Variants in SLC22A15 observed in about 807,000 individuals in gnomAD.
SLC22A15 encodes the protein solute carrier family 22 member 15.
In SLC22A15, 45 loss-of-function variants were observed where a neutral mutation model predicts 62.7. The ratio of observed to expected loss-of-function variants is 0.72; its 90% confidence interval spans 0.56 to 0.92. The LOEUF (loss-of-function observed/expected upper bound fraction) is 0.92. Ranked by LOEUF, SLC22A15 falls within the 40% of genes least tolerant of loss-of-function variation. The probability of loss-of-function intolerance (pLI) is 0.00; values close to 1 mark genes in which losing one functional copy is unlikely to be tolerated. For missense variants in SLC22A15, 622 were observed against 665.6 expected (o/e 0.93, Z 0.72); for synonymous variants, 264 against 267.0 (o/e 0.99, Z 0.11).
At chr1:116,024,495 G>A (rs1193489349) in intron 4 of SLC22A15, among the ~76,000 whole-genome samples, 1 of 152,108 alleles carries the variant, frequency 6.6e-6, no homozygotes, top group Non-Finnish European at 1.5e-5. Flanking sequence ...TGGTTATAAA[G>A]CCACCTATGA....
At chr1:116,063,588 A>G (rs1658430514) in intron 9 of SLC22A15, among the ~76,000 whole-genome samples, 1 of 152,152 alleles carries the variant, frequency 6.6e-6, no homozygotes. Flanking sequence ...AAGAAGCTTC[A>G]TGGTTCTTTC....
chr1:116,006,802 T>C (rs1003897161), intron 2 of SLC22A15, among the ~76,000 whole-genome samples: 1 of 152,112 alleles, frequency 6.6e-6, no homozygotes, highest in Non-Finnish European at 1.5e-5. Context: ...TCTGTTTCTC[T>C]TTCTCTTTCT....
intron 1 of SLC22A15, among the ~76,000 whole-genome samples, chr1:115,985,893 C>G (rs1390963798): frequency 1.4e-5 from 2 of 141,222 alleles, no homozygotes; most frequent in African/African-American, 5.2e-5. Context: ...TTACAGTGAG[C>G]TGAGATCGCG....
At chr1:116,038,875 A>C (rs1657703201) in intron 8 of SLC22A15, among the ~76,000 whole-genome samples, 1 of 152,138 alleles carries the variant, frequency 6.6e-6, no homozygotes, top group Non-Finnish European at 1.5e-5. Context: ...CGTGTAACCT[A>C]TCACACCTTC....
At chr1:115,989,838 C>T (rs1008299680) in intron 1 of SLC22A15, among the ~76,000 whole-genome samples, 3 of 151,700 alleles carry the variant, frequency 2.0e-5, no homozygotes, top group East Asian at 1.9e-4. Context: ...AATAGTGCCT[C>T]GCACATAGTT....
chr1:116,025,115 CTG>C (rs2101371709), intron 4 of SLC22A15, among the ~76,000 whole-genome samples: 1 of 152,136 alleles, frequency 6.6e-6, no homozygotes, highest in East Asian at 1.9e-4. Flanking sequence ...AATAAGAAAA[CTG>C]AGGCTCGGGG....
intron 5 of SLC22A15, among the ~76,000 whole-genome samples, chr1:116,030,168 G>T (rs72996734): frequency 6.6e-6 from 1 of 152,124 alleles, no homozygotes; most frequent in Non-Finnish European, 1.5e-5. Flanking sequence ...AATATTGTGC[G>T]TGAATATTCC....
intron 10 of SLC22A15, 143 bp downstream of exon 10, chr1:116,064,651 C>A: frequency 1.5e-6 from 1 of 646,378 alleles, no homozygotes; most frequent in African/African-American, 1.8e-5. Flanking sequence ...AGATAGTATT[C>A]CGTCAGGGCA....
At chr1:116,062,907 C>G in intron 9 of SLC22A15, 25 bp downstream of exon 9, 1 of 1,611,370 alleles carries the variant, frequency 6.2e-7, no homozygotes, top group Non-Finnish European at 8.5e-7. Context: ...CAGCCTCATT[C>G]TTCACACATT....
intron 2 of SLC22A15, among the ~76,000 whole-genome samples, chr1:116,006,097 G>A (rs1476306286): frequency 1.3e-5 from 2 of 152,122 alleles, no homozygotes; most frequent in Admixed American, 6.5e-5. Context: ...CTTGACCTAA[G>A]CAACATTTAT....
intron 6 of SLC22A15, chr1:116,032,016 T>C (rs1380100653): frequency 1.9e-6 from 2 of 1,038,894 alleles, no homozygotes; most frequent in African/African-American, 1.7e-5. Flanking sequence ...CGGTGCTCCA[T>C]GCTGCATTTT....
At chr1:116,058,271 G>A (rs1472117929) in intron 8 of SLC22A15, among the ~76,000 whole-genome samples, 1 of 151,748 alleles carries the variant, frequency 6.6e-6, no homozygotes, top group Non-Finnish European at 1.5e-5. Flanking sequence ...AAATCAGTAA[G>A]GAAAAACAAA....
intron 8 of SLC22A15, among the ~76,000 whole-genome samples, chr1:116,039,239 T>G (rs1657717685): frequency 6.6e-6 from 1 of 152,184 alleles, no homozygotes; most frequent in Admixed American, 6.5e-5. Flanking sequence ...TTGTCTATTT[T>G]TAACGATTTC....
chr1:116,064,928 G>A (rs1658461545), intron 10 of SLC22A15, among the ~76,000 whole-genome samples: 1 of 152,118 alleles, frequency 6.6e-6, no homozygotes, highest in Non-Finnish European at 1.5e-5. Flanking sequence ...ATGCTACAGA[G>A]AGGTTAAATA....
chr1:115,996,558 A>G (rs985273636), intron 2 of SLC22A15, among the ~76,000 whole-genome samples: 2 of 151,492 alleles, frequency 1.3e-5, no homozygotes, highest in East Asian at 3.9e-4. Context: ...TTCATTCATT[A>G]GATTCACATC....
intron 4 of SLC22A15, among the ~76,000 whole-genome samples, chr1:116,024,978 C>G (rs182967890): frequency 2.6e-5 from 4 of 151,786 alleles, no homozygotes; most frequent in Non-Finnish European, 5.9e-5. Context: ...GTGATAGATT[C>G]AACAGGAGGC....
chr1:115,992,917 G>A (rs113739219), intron 2 of SLC22A15, among the ~76,000 whole-genome samples: 10 of 152,024 alleles, frequency 6.6e-5, no homozygotes, highest in African/African-American at 1.2e-4. Context: ...GAGCCACCGC[G>A]CCTGGCCTAT....
intron 2 of SLC22A15, among the ~76,000 whole-genome samples, chr1:116,000,458 A>C (rs924546029): frequency 4.6e-5 from 7 of 152,064 alleles, no homozygotes; most frequent in African/African-American, 1.7e-4. Flanking sequence ...TCTATTTCTT[A>C]CAAAGTTGTT....
chr1:115,976,702 C>G lies in SLC22A15; in HGVS notation c.75C>G (p.Ala25=), dbSNP rs1483879739. 2.5e-6 allele frequency: 4 copies of G among 1,583,208 alleles called. No homozygotes were observed. The highest frequency in any genetic ancestry group is 3.4e-6 in the Non-Finnish European group (4 of 1,166,378). ...AGATGTACTTGTGCTTCCTGCTGGC[C>G]GTGCTGCTGCAGGTAAGTCCCCGCG... is the stretch of plus-strand genomic sequence containing the variant. ...IYQMYLCFLL[A]VLLQLYVATE... The change falls in exon 1 of 12, where the codon GCC becomes GCG. Residue 25 remains alanine, a synonymous_variant. Transcript: ENST00000369503.
Sources: gnomAD v4.1 joint callset for allele counts (sites outside exome capture counted in the v4.1 genomes callset) on GRCh38, gnomAD v4.1.1 for gene constraint, MANE v1.5 for transcripts, NCBI Gene and HGNC (gene_info 2026-07-23, HGNC 2026-07-21) for gene names.